Variants in PAPPA2 observed in about 807,000 individuals in gnomAD.
PAPPA2 encodes pappalysin 2, also known as pappalysin-2.
A neutral mutation model predicts 176.4 loss-of-function variants in PAPPA2; 86 were observed. The observed-to-expected ratio is 0.49, with a 90% CI of 0.41 to 0.58. The LOEUF (loss-of-function observed/expected upper bound fraction) is 0.58, where lower values mean the gene tolerates loss of function less well. Among genes scored for constraint, PAPPA2 ranks in the 20% least tolerant of loss-of-function variants. The pLI is 0.00. For synonymous variants in PAPPA2, 809 were observed against 852.2 expected (o/e 0.95, Z 0.88); for missense variants, 2,073 against 2,256.9 (o/e 0.92, Z 1.65).
At chr1:176,596,109 C>T (rs1397357801) in intron 3 of PAPPA2, among the ~76,000 whole-genome samples, 2 of 152,254 alleles carry the variant, frequency 1.3e-5, no homozygotes, top group African/African-American at 2.4e-5. Context: ...CATCTCGCCA[C>T]TAGTCTCCTT....
At chr1:176,731,678 T>TAC (rs1558548740) in intron 12 of PAPPA2, among the ~76,000 whole-genome samples, 2 of 151,434 alleles carry the variant, frequency 1.3e-5, no homozygotes, top group Non-Finnish European at 2.9e-5. Context: ...CATATATGTG[T>TAC]ATATATACAT....
chr1:176,543,147 C>T (rs1457069918), intron 1 of PAPPA2, among the ~76,000 whole-genome samples: 1 of 152,096 alleles, frequency 6.6e-6, no homozygotes, highest in Non-Finnish European at 1.5e-5. Flanking sequence ...GGCTTCTTCA[C>T]GTTCCCCGTC....
intron 4 of PAPPA2, among the ~76,000 whole-genome samples, chr1:176,676,841 G>A (rs1659324492): frequency 6.6e-6 from 1 of 152,098 alleles, no homozygotes; most frequent in African/African-American, 2.4e-5. Flanking sequence ...GGTGCTCTGT[G>A]AGTGATCATT....
chr1:176,821,962 A>T (rs1666682669), intron 21 of PAPPA2, among the ~76,000 whole-genome samples: 1 of 152,204 alleles, frequency 6.6e-6, no homozygotes, highest in Non-Finnish European at 1.5e-5. Context: ...TCAGGTTTGA[A>T]ATCTAGAATC....
intron 14 of PAPPA2, among the ~76,000 whole-genome samples, chr1:176,757,945 G>A (rs1382083466): frequency 1.3e-5 from 2 of 152,120 alleles, no homozygotes; most frequent in Non-Finnish European, 2.9e-5. Flanking sequence ...CCCAAGTCTA[G>A]TTCTGAACTT....
chr1:176,516,466 C>T (rs1158807008), intron 1 of PAPPA2, among the ~76,000 whole-genome samples: 2 of 152,084 alleles, frequency 1.3e-5, no homozygotes, highest in Non-Finnish European at 2.9e-5. Context: ...TTGTGCCCCT[C>T]CAAAATCCAT....
intron 1 of PAPPA2, among the ~76,000 whole-genome samples, chr1:176,528,549 C>T (rs4650944): frequency 0.63 from 96,155 of 152,052 alleles, 31,980 homozygotes; most frequent in East Asian, 0.95. Context: ...GGCATAGTGG[C>T]CCCAAACACT....
At chr1:176,602,653 G>T (rs72716840) in intron 3 of PAPPA2, among the ~76,000 whole-genome samples, 6,963 of 152,070 alleles carry the variant, frequency 0.046, 261 homozygotes, top group Non-Finnish European at 0.07. Context: ...GAAAATAAGC[G>T]TAAGGGGTAG....
intron 1 of PAPPA2, among the ~76,000 whole-genome samples, chr1:176,541,337 C>T (rs553954129): frequency 6.6e-6 from 1 of 152,276 alleles, no homozygotes; most frequent in African/African-American, 2.4e-5. Context: ...GCCAGAATAC[C>T]AGAATAATCT....
chr1:176,724,779 G>A (rs112185924), intron 12 of PAPPA2, among the ~76,000 whole-genome samples: 9 of 152,274 alleles, frequency 5.9e-5, no homozygotes, highest in East Asian at 1.9e-4. Context: ...AACACCAGGC[G>A]TCAAAGAAGA....
chr1:176,702,475 A>C (rs1660693958), intron 8 of PAPPA2, 132 bp from the exon 9 acceptor site: 2 of 1,311,900 alleles, frequency 1.5e-6, no homozygotes, highest in East Asian at 5.0e-5. Context: ...TTTGTTTTAG[A>C]CAATGCAGCG....
intron 17 of PAPPA2, among the ~76,000 whole-genome samples, chr1:176,785,054 A>G (rs1664877024): frequency 6.6e-6 from 1 of 152,156 alleles, no homozygotes; most frequent in African/African-American, 2.4e-5. Flanking sequence ...ATTTCACCAT[A>G]TGAGTTTGCG....
At chr1:176,523,979 C>T (rs1250219839) in intron 1 of PAPPA2, among the ~76,000 whole-genome samples, 1 of 152,172 alleles carries the variant, frequency 6.6e-6, no homozygotes, top group Non-Finnish European at 1.5e-5. Context: ...GTTAGGTGAC[C>T]GTGATGTTTT....
intron 4 of PAPPA2, among the ~76,000 whole-genome samples, chr1:176,682,275 G>A (rs1028349732): frequency 6.6e-6 from 1 of 152,146 alleles, no homozygotes; most frequent in East Asian, 1.9e-4. Context: ...TGAAGAGGGG[G>A]ATGTGGATCT....
chr1:176,604,115 T>C (rs1205042280), intron 3 of PAPPA2, among the ~76,000 whole-genome samples: 1 of 152,166 alleles, frequency 6.6e-6, no homozygotes, highest in Non-Finnish European at 1.5e-5. Flanking sequence ...TTCCTCCAGA[T>C]TTCTACACAG....
chr1:176,560,477 C>T (rs1368560875), intron 2 of PAPPA2, among the ~76,000 whole-genome samples: 1 of 152,210 alleles, frequency 6.6e-6, no homozygotes, highest in Admixed American at 6.5e-5. Context: ...GCCTATTTCC[C>T]ATAGCGGAGA....
chr1:176,660,530 G>A (rs1054014931), intron 3 of PAPPA2, among the ~76,000 whole-genome samples: 3 of 152,058 alleles, frequency 2.0e-5, no homozygotes, highest in African/African-American at 7.2e-5. Flanking sequence ...ATGAAATAGG[G>A]GCAAATACAG....
intron 12 of PAPPA2, among the ~76,000 whole-genome samples, chr1:176,719,240 C>T (rs556470601): frequency 5.3e-5 from 8 of 151,300 alleles, no homozygotes; most frequent in African/African-American, 1.9e-4. Flanking sequence ...TAAATGCTCT[C>T]TTATTTTTAG....
intron 4 of PAPPA2, among the ~76,000 whole-genome samples, chr1:176,673,317 T>G (rs1659111055): frequency 6.6e-6 from 1 of 152,186 alleles, no homozygotes. Flanking sequence ...GTCATATTCC[T>G]GTTCCTGTAG....
Sources: allele counts gnomAD v4.1 joint callset (sites outside exome capture counted in the v4.1 genomes callset), GRCh38; gene constraint gnomAD v4.1.1; transcripts MANE v1.5; gene names NCBI Gene and HGNC (gene_info 2026-07-23, HGNC 2026-07-21).